Variants in CD44 observed in about 807,000 individuals in gnomAD.
The protein encoded by CD44 is CD44 antigen.
A neutral mutation model predicts 88.8 loss-of-function variants in CD44; 49 were observed. The observed-to-expected ratio is 0.55, with a 90% CI of 0.44 to 0.70. The LOEUF is 0.70. Among genes scored for constraint, CD44 ranks in the 30% least tolerant of loss-of-function variants. The pLI is 0.00. For synonymous variants in CD44, 325 were observed against 312.3 expected (o/e 1.04, Z -0.43); for missense variants, 883 against 913.8 (o/e 0.97, Z 0.43).
Position 35,160,824 on chromosome 11 carries a change from T to C in CD44, c.68-15751T>C, listed in dbSNP as rs139039127. Among the ~76,000 whole-genome samples the C allele has an allele frequency of 3.9e-5, 6 of 152,328 alleles. No homozygotes were observed. The East Asian group carries it at 1.2e-3, about 29-fold the overall frequency. On this transcript the variant is annotated intron_variant, in intron 1 of 17. Coordinates refer to ENST00000428726, the MANE Select transcript of CD44 (RefSeq NM_000610.4). ...TGGGGACACAAAGATGAATAAGGCA[T>C]GGTCCCAGTGGAACCCACTTTGGTT...
At chr11:35,209,895 C>G (rs1396641490) in intron 12 of CD44, 70 bp from the exon 13 acceptor site, 1 of 1,025,102 alleles carries the variant, frequency 9.8e-7, no homozygotes. Context: ...CTAGATTTTC[C>G]TTGCTAGCAG....
rs145614596 is a variant in CD44 at position 35,196,822 on chromosome 11, G to T, written c.744G>T (p.Leu248Phe). 41 of 1,613,632 alleles carry T rather than the reference G, an allele frequency of 2.5e-5. No individual in the cohort carries two copies. The highest frequency in any genetic ancestry group is 4.5e-5 in the East Asian group (2 of 44,838). The part of the protein sequence containing the change: ...RQETWDWFSW[L>F]FLPSESKNHL... ...AAACCTGGGATTGGTTTTCATGGTT[G>T]TTTCTACCATCAGAGTCAAAGAATC... Residue 248 changes from leucine to phenylalanine, a missense_variant, in exon 6 of 18, where the codon TTG becomes TTT. Around this residue, in one of 2 missense-constraint regions of CD44, gnomAD observed 252 missense variants for 322.9 expected, o/e 0.78. Transcript: ENST00000428726.
At position 35,229,655 on chromosome 11, in the gene CD44, C is replaced by T. The variant is rs527513660; in HGVS notation, c.*322C>T. The T allele has an allele frequency of 3.4e-4, 90 of 267,584 alleles. 1 individual carries two copies. Among genetic ancestry groups the T allele is most frequent in the Non-Finnish European group, 5.1e-4 (70 of 138,292 alleles). The allele number at this position is 267,584 out of a possible 1,614,324, so 16.6% of individuals were successfully genotyped here. On this transcript the variant is annotated 3_prime_UTR_variant, in exon 18 of 18. Transcript: ENST00000428726. Reference sequence around the variant, plus strand: ...AAAACTACACATATGTATTCCTGATCGCCAACCTTTCCCCCACCAGCTAAG... The same window carrying T: ...AAAACTACACATATGTATTCCTGATTGCCAACCTTTCCCCCACCAGCTAAG...
At chr11:35,228,936 G>A (rs1273088926) in intron 17 of CD44, among the ~76,000 whole-genome samples, 193 bp from the exon 18 acceptor site, 5 of 152,182 alleles carry the variant, frequency 3.3e-5, no homozygotes, top group African/African-American at 1.2e-4. Flanking sequence ...AGGAGTGCTG[G>A]TTGTTATGAG....
At chr11:35,203,925 G>A (rs1016484053) in intron 9 of CD44, among the ~76,000 whole-genome samples, 12 of 152,176 alleles carry the variant, frequency 7.9e-5, no homozygotes, top group African/African-American at 2.9e-4. Context: ...GTTAAAAAGT[G>A]ATTTTAGCAA....
chr11:35,197,059 T>G, intron 6 of CD44, 185 bp downstream of exon 6: 1 of 584,782 alleles, frequency 1.7e-6, no homozygotes, highest in Non-Finnish European at 3.0e-6. Context: ...TAAGCAGATT[T>G]CTTCTTTCTA....
rs377065859 is a variant in CD44 at position 35,187,347 on chromosome 11, C to T, written c.436+447C>T. Among the ~76,000 whole-genome samples, 12 of 152,180 alleles carry T rather than the reference C, an allele frequency of 7.9e-5. No individual in the cohort carries two copies. In the South Asian group the frequency reaches 2.3e-3, roughly 29 times the overall value. ...GGACAGTTGGCTTTAATTCAGTGTC[C>T]CTTCCTTTTTTTCTGCAATGACTTG... On this transcript the variant is annotated intron_variant, in intron 4 of 17. Coordinates refer to ENST00000428726, the MANE Select transcript of CD44 (RefSeq NM_000610.4).
chr11:35,188,404 A>G (rs903383294), intron 4 of CD44, among the ~76,000 whole-genome samples: 1 of 152,240 alleles, frequency 6.6e-6, no homozygotes, highest in East Asian at 1.9e-4. Context: ...TTTCTCATTC[A>G]TATAATGGAA....
Position 35,229,304 on chromosome 11 carries a change from C to A in CD44, c.2200C>A (p.Gln734Lys). The A allele has an allele frequency of 1.2e-6, 2 of 1,613,146 alleles. No homozygotes were observed. Among genetic ancestry groups the A allele is most frequent in the Non-Finnish European group, 1.7e-6 (2 of 1,179,224 alleles). The change falls in exon 18 of 18, where the codon CAG (glutamine) becomes AAG (lysine). Residue 734 changes from glutamine to lysine, a missense_variant. By Grantham distance (53) the Gln-to-Lys change is moderately conservative. Around this residue, in one of 2 missense-constraint regions of CD44, gnomAD observed 631 missense variants for 590.9 expected, o/e 1.07. Transcript: ENST00000428726. ...GACAGCTGATGAGACAAGGAACCTG[C>A]AGAATGTGGACATGAAGATTGGGGT... is the stretch of plus-strand genomic sequence containing the variant. ...FMTADETRNL[Q>K]NVDMKIGV
At chr11:35,152,879 T>C (rs912663083) in intron 1 of CD44, among the ~76,000 whole-genome samples, 1 of 152,184 alleles carries the variant, frequency 6.6e-6, no homozygotes, top group Admixed American at 6.5e-5. Context: ...GAGGTGGGAA[T>C]GGGATAATCA....
chr11:35,181,816 TA>T (rs1257537630), intron 3 of CD44, among the ~76,000 whole-genome samples: 2 of 112,522 alleles, frequency 1.8e-5, no homozygotes, highest in African/African-American at 7.0e-5. Flanking sequence ...TTTATATATT[TA>T]AATATATATT....
chr11:35,195,424 A>AG (rs375273249), intron 5 of CD44, among the ~76,000 whole-genome samples: 29 of 151,562 alleles, frequency 1.9e-4, no homozygotes, highest in African/African-American at 6.5e-4. Context: ...AGGGGTGGGG[A>AG]GGGGGGATAC....
chr11:35,198,394 T>C (rs2273690), intron 7 of CD44, 148 bp downstream of exon 7: 8,577 of 621,020 alleles, frequency 0.014, 233 homozygotes, highest in East Asian at 0.082. Flanking sequence ...GATGAGATTA[T>C]GGAAGAAGAA....
chr11:35,153,902 C>T (rs556493437), intron 1 of CD44, among the ~76,000 whole-genome samples: 2 of 152,318 alleles, frequency 1.3e-5, no homozygotes, highest in Non-Finnish European at 2.9e-5. Flanking sequence ...CTCACTGTCT[C>T]ACCATTGGGT....
intron 15 of CD44, chr11:35,219,052 A>G (rs533363198): frequency 2.3e-6 from 1 of 433,116 alleles, no homozygotes; most frequent in African/African-American, 2.0e-5. Flanking sequence ...AGCTCTAGAC[A>G]CCAAAGTCCT....
chr11:35,163,264 T>G (rs75107920), intron 1 of CD44, among the ~76,000 whole-genome samples: 2 of 149,714 alleles, frequency 1.3e-5, no homozygotes, highest in South Asian at 4.2e-4. Context: ...TTTTTTTTTT[T>G]CTAAACTGAA....
At chr11:35,162,144 C>T (rs933156311) in intron 1 of CD44, among the ~76,000 whole-genome samples, 1 of 152,108 alleles carries the variant, frequency 6.6e-6, no homozygotes, top group African/African-American at 2.4e-5. Flanking sequence ...TGGCTTGTAT[C>T]AACCATATCA....
At position 35,208,123 on chromosome 11, in the gene CD44, G is replaced by A. The variant is rs749781691; in HGVS notation, c.1433G>A (p.Ser478Asn). 6 of 1,607,090 alleles carry A rather than the reference G, an allele frequency of 3.7e-6. No homozygotes were observed. The highest frequency in any genetic ancestry group is 4.3e-6 in the Non-Finnish European group (5 of 1,173,826). The change falls in exon 12 of 18, where the codon AGT becomes AAT. Residue 478 changes from serine (S) to asparagine (N), a missense_variant. Coordinates refer to ENST00000428726, the MANE Select transcript of CD44 (RefSeq NM_000610.4). ...GRRMDMDSSH[S>N]ITLQPTANPN... is the part of the protein sequence containing the mutation. ...CCTTCAGATATGGACTCCAGTCATA[G>A]TATAACGCTTCAGCCTACTGCAAAT... is the stretch of plus-strand genomic sequence containing the variant.
At chr11:35,177,167 CTCTCTCTTAA>C (rs1359010281) in intron 2 of CD44, 1 of 151,630 alleles carries the variant, frequency 6.6e-6, no homozygotes, top group Non-Finnish European at 1.5e-5. Context: ...CTCTCTCTTA[CTCTCTCTTAA>C]AAAAAATTTT....
Sources: gnomAD v4.1 joint callset for allele counts (sites outside exome capture counted in the v4.1 genomes callset) on GRCh38, gnomAD v4.1.1 for gene constraint, gnomAD v4.1.1 regional missense constraint, MANE v1.5 for transcripts, NCBI Gene and HGNC (gene_info 2026-07-23, HGNC 2026-07-21) for gene names.